AHCYL2: variants seen among roughly 807,000 people sequenced by gnomAD.
AHCYL2 encodes the protein adenosylhomocysteinase like 2, also known as S-adenosylhomocysteine hydrolase-like protein 2.
Under a neutral mutation model 81.4 loss-of-function variants are expected in AHCYL2, and 28 were observed. That is an observed-to-expected ratio of 0.34 (90% CI 0.25 to 0.47). The LOEUF is 0.47. Among genes scored for constraint, AHCYL2 ranks in the 20% least tolerant of loss-of-function variants. The pLI, the probability that AHCYL2 is intolerant of heterozygous loss-of-function variation, is 1.00. For missense variants in AHCYL2, 551 were observed against 785.1 expected (o/e 0.70, Z 3.56); for synonymous variants, 272 against 290.2 (o/e 0.94, Z 0.64).
intron 1 of AHCYL2, among the ~76,000 whole-genome samples, chr7:129,362,359 G>A (rs542850712): frequency 1.7e-4 from 26 of 152,118 alleles, no homozygotes; most frequent in Non-Finnish European, 3.1e-4. Flanking sequence ...CTGAGGAACT[G>A]ATAAGTAAGA....
chr7:129,305,027 C>T (rs1797386210), intron 1 of AHCYL2, among the ~76,000 whole-genome samples: 1 of 151,466 alleles, frequency 6.6e-6, no homozygotes, highest in South Asian at 2.1e-4. Context: ...TTAATTTCTC[C>T]CTTTTTATTT....
chr7:129,362,272 CCTATAGT>C (rs1793955835), intron 1 of AHCYL2, among the ~76,000 whole-genome samples: 2 of 152,174 alleles, frequency 1.3e-5, no homozygotes, highest in South Asian at 4.1e-4. Context: ...ACTTTAAAAG[CCTATAGT>C]CTTTACCTGT....
At chr7:129,404,884 CAT>C (rs1315805417) in intron 7 of AHCYL2, among the ~76,000 whole-genome samples, 1 of 152,148 alleles carries the variant, frequency 6.6e-6, no homozygotes, top group Non-Finnish European at 1.5e-5. Context: ...ATTTCCCCCA[CAT>C]GACTTTTGAA....
intron 1 of AHCYL2, among the ~76,000 whole-genome samples, chr7:129,350,730 T>A (rs1026705721): frequency 2.0e-5 from 3 of 149,426 alleles, no homozygotes; most frequent in Admixed American, 6.6e-5. Context: ...TTTTTTTTTT[T>A]TATCTTTTAG....
At chr7:129,327,338 G>T (rs994849753) in intron 1 of AHCYL2, among the ~76,000 whole-genome samples, 80 of 152,176 alleles carry the variant, frequency 5.3e-4, no homozygotes, top group Non-Finnish European at 1.3e-4. Flanking sequence ...AACCAGATTT[G>T]TTGCACGTTG....
At chr7:129,226,770 A>T (rs1379350239) in intron 1 of AHCYL2, among the ~76,000 whole-genome samples, 1 of 152,208 alleles carries the variant, frequency 6.6e-6, no homozygotes, top group East Asian at 1.9e-4. Flanking sequence ...TCTGGGAAGA[A>T]TTAGAGTAGA....
At chr7:129,279,661 G>T (rs576653560) in intron 1 of AHCYL2, among the ~76,000 whole-genome samples, 3 of 152,146 alleles carry the variant, frequency 2.0e-5, no homozygotes, top group Non-Finnish European at 4.4e-5. Context: ...GAGTGCTGCT[G>T]GTTGGCTATT....
intron 1 of AHCYL2, among the ~76,000 whole-genome samples, chr7:129,311,058 A>G (rs994041305): frequency 6.6e-6 from 1 of 151,802 alleles, no homozygotes; most frequent in Non-Finnish European, 1.5e-5. Flanking sequence ...TAGTGAGCCA[A>G]GATCACACCA....
intron 2 of AHCYL2, among the ~76,000 whole-genome samples, chr7:129,386,099 C>T (rs925951661): frequency 1.3e-4 from 20 of 152,080 alleles, no homozygotes; most frequent in African/African-American, 4.6e-4. Context: ...TCAGCCATGT[C>T]GTATCCACAT....
intron 1 of AHCYL2, among the ~76,000 whole-genome samples, chr7:129,253,742 G>T (rs747210863): frequency 1.3e-5 from 2 of 152,130 alleles, no homozygotes; most frequent in East Asian, 1.9e-4. Flanking sequence ...CTTCCAAAGT[G>T]CTGGGATTAC....
In AHCYL2 at chr7:129,311,969, T is replaced by G. The variant is rs896139653; in HGVS notation, c.364-67669T>G. 5.9e-5 allele frequency among the ~76,000 whole-genome samples: 9 copies of G among 152,196 alleles called. No individual in the cohort carries two copies. The East Asian group carries it at 1.5e-3, about 26-fold the overall frequency. ...TCTTACTTATATTTCTCCTTGTTCA[T>G]TCTGCTACACTCTTTTTTTTCTTCT... is the stretch of plus-strand genomic sequence containing the variant. On this transcript the variant is annotated intron_variant, in intron 1 of 16. Transcript: ENST00000325006.
chr7:129,367,100 AGG>A (rs1387828699), intron 1 of AHCYL2, among the ~76,000 whole-genome samples: 1 of 152,170 alleles, frequency 6.6e-6, no homozygotes, highest in Non-Finnish European at 1.5e-5. Context: ...CAGTGAGCAG[AGG>A]GGTGATTTTG....
At chr7:129,253,528 T>C (rs149122700) in intron 1 of AHCYL2, among the ~76,000 whole-genome samples, 26 of 152,346 alleles carry the variant, frequency 1.7e-4, no homozygotes, top group African/African-American at 6.3e-4. Context: ...TAAATGCAAA[T>C]GGCAAACACT....
intron 1 of AHCYL2, among the ~76,000 whole-genome samples, chr7:129,344,921 G>A (rs1033509144): frequency 1.3e-5 from 2 of 152,162 alleles, no homozygotes; most frequent in Admixed American, 1.3e-4. Flanking sequence ...TTGGGAGGCC[G>A]AGGCGGGTGG....
chr7:129,385,002 C>A (rs1427185101), intron 2 of AHCYL2, among the ~76,000 whole-genome samples: 3 of 152,166 alleles, frequency 2.0e-5, no homozygotes, highest in African/African-American at 7.2e-5. Flanking sequence ...GAAGAGACTT[C>A]TTTTTTAATC....
chr7:129,390,784 A>G (rs1795430449), intron 4 of AHCYL2, among the ~76,000 whole-genome samples: 3 of 152,178 alleles, frequency 2.0e-5, no homozygotes, highest in African/African-American at 7.2e-5. Flanking sequence ...GCAGAACTGG[A>G]TCATGTATCT....
intron 1 of AHCYL2, among the ~76,000 whole-genome samples, chr7:129,362,597 GTTT>G (rs769346623): frequency 0.028 from 1,759 of 63,618 alleles, 22 homozygotes; most frequent in African/African-American, 0.089. Context: ...TGGTTTTCTT[GTTT>G]TTTTTTTTTT....
intron 4 of AHCYL2, among the ~76,000 whole-genome samples, chr7:129,391,577 C>T (rs1486512441): frequency 6.6e-6 from 1 of 152,164 alleles, no homozygotes; most frequent in Non-Finnish European, 1.5e-5. Context: ...TCTTTTATCA[C>T]CAGAGATGCA....
At chr7:129,350,407 G>A (rs1409233551) in intron 1 of AHCYL2, among the ~76,000 whole-genome samples, 2 of 150,276 alleles carry the variant, frequency 1.3e-5, no homozygotes, top group African/African-American at 4.9e-5. Context: ...TTTGGAGATG[G>A]AGTCTCACTT....
Sources: allele counts gnomAD v4.1 joint callset (sites outside exome capture counted in the v4.1 genomes callset), GRCh38; gene constraint gnomAD v4.1.1; transcripts MANE v1.5; gene names NCBI Gene and HGNC (gene_info 2026-07-23, HGNC 2026-07-21).